Variants in ADAM32 observed in about 807,000 individuals in gnomAD.
ADAM32 encodes disintegrin and metalloproteinase domain-containing protein 32.
A neutral mutation model predicts 114.9 loss-of-function variants in ADAM32; 89 were observed. The observed-to-expected ratio is 0.77, with a 90% CI of 0.65 to 0.92. The LOEUF (loss-of-function observed/expected upper bound fraction) is 0.92, where lower values mean the gene tolerates loss of function less well. Among genes scored for constraint, ADAM32 ranks in the 40% least tolerant of loss-of-function variants. The pLI, the probability that ADAM32 is intolerant of heterozygous loss-of-function variation, is 0.00. For missense variants in ADAM32, 870 were observed against 932.8 expected (o/e 0.93, Z 0.88); for synonymous variants, 285 against 307.5 (o/e 0.93, Z 0.77).
At chr8:39,284,751 T>C in intron 24 of ADAM32, 42 bp from the exon 25 acceptor site, 2 of 1,612,662 alleles carry the variant, frequency 1.2e-6, no homozygotes, top group Non-Finnish European at 1.7e-6. Context: ...GGGAATTTGC[T>C]GTCAGTACTT....
rs73606785 is a variant in ADAM32, at chr8:39,219,101, C to T, written c.1234-2509C>T. Among the ~76,000 whole-genome samples the T allele has an allele frequency of 3.3e-3, 501 of 151,816 alleles. 1 individual carries two copies. Among genetic ancestry groups the T allele is most frequent in the African/African-American group, 0.012 (478 of 41,390 alleles). ...GGGACTTCACCACCCTGATCAGTGC[C>T]CTATCTTATTGTGGCTGATCTGGTA... On this transcript the variant is annotated intron_variant, in intron 12 of 24. Transcript: ENST00000379907.
intron 11 of ADAM32, among the ~76,000 whole-genome samples, chr8:39,207,956 A>G (rs1204900925): frequency 6.6e-6 from 1 of 152,164 alleles, no homozygotes; most frequent in Non-Finnish European, 1.5e-5. Flanking sequence ...ACCACATTTT[A>G]AAAATCAGTT....
intron 22 of ADAM32, 55 bp downstream of exon 22, chr8:39,275,921 G>T (rs993113341): frequency 1.4e-6 from 2 of 1,450,360 alleles, no homozygotes; most frequent in Non-Finnish European, 1.9e-6. Context: ...TAAAAATTGA[G>T]ATGAACAAAT....
chr8:39,136,051 TTC>T (rs1802780857), intron 2 of ADAM32, among the ~76,000 whole-genome samples: 1 of 152,206 alleles, frequency 6.6e-6, no homozygotes, highest in Admixed American at 6.5e-5. Flanking sequence ...AACTAATTTT[TTC>T]TCTGTTTCTC....
chr8:39,180,178 G>A (rs1399162657), intron 10 of ADAM32, among the ~76,000 whole-genome samples: 1 of 152,244 alleles, frequency 6.6e-6, no homozygotes. Context: ...AGTTCCGGGT[G>A]GGCGTGGGCT....
rs189775791 is a variant in ADAM32, at chr8:39,115,474, T to C, written c.59-2612T>C. On this transcript the variant is annotated intron_variant, in intron 1 of 24. Coordinates refer to ENST00000379907, the MANE Select transcript of ADAM32 (RefSeq NM_145004.7). Reference sequence around the variant, plus strand: ...TCATTCTGATTGGTGTGACATGATATGTCACTGTTGTTTTGACTTTCATTT... The same window carrying C: ...TCATTCTGATTGGTGTGACATGATACGTCACTGTTGTTTTGACTTTCATTT... Among the ~76,000 whole-genome samples the C allele has an allele frequency of 4.7e-3, 719 of 152,366 alleles. 9 individuals carry two copies. Among genetic ancestry groups the C allele is most frequent in the Non-Finnish European group, 7.0e-3 (478 of 68,030 alleles).
At chr8:39,126,292 T>G (rs1029518255) in intron 2 of ADAM32, among the ~76,000 whole-genome samples, 3 of 152,234 alleles carry the variant, frequency 2.0e-5, no homozygotes, top group Non-Finnish European at 4.4e-5. Flanking sequence ...ATGATATTGA[T>G]TCTTCCTATC....
intron 16 of ADAM32, among the ~76,000 whole-genome samples, chr8:39,235,004 C>T (rs1260581307): frequency 2.0e-5 from 3 of 152,104 alleles, no homozygotes; most frequent in Non-Finnish European, 4.4e-5. Flanking sequence ...CTTCCCCCCG[C>T]CCCTCTCTGT....
intron 10 of ADAM32, among the ~76,000 whole-genome samples, chr8:39,181,289 C>T (rs1008537942): frequency 6.6e-6 from 1 of 152,198 alleles, no homozygotes; most frequent in Non-Finnish European, 1.5e-5. Context: ...ATGAGCCCAC[C>T]AGGAGGAACG....
intron 2 of ADAM32, among the ~76,000 whole-genome samples, chr8:39,129,112 C>G (rs187282812): frequency 2.3e-5 from 3 of 131,980 alleles, no homozygotes; most frequent in African/African-American, 8.6e-5. Context: ...CATTGGTTCT[C>G]GTTTTTTTTT....
chr8:39,203,827 G>T (rs1036267154), intron 11 of ADAM32, among the ~76,000 whole-genome samples: 13 of 152,128 alleles, frequency 8.5e-5, no homozygotes, highest in Admixed American at 4.6e-4. Context: ...GGCAGGCCTG[G>T]TGGTGACAAA....
At chr8:39,160,311 C>A (rs1178332254) in intron 6 of ADAM32, among the ~76,000 whole-genome samples, 4 of 152,102 alleles carry the variant, frequency 2.6e-5, no homozygotes, top group Admixed American at 6.5e-5. Context: ...GAGGCCAAGG[C>A]GGGCGGATCG....
intron 2 of ADAM32, 140 bp from the exon 3 acceptor site, chr8:39,136,517 C>T (rs999458511): frequency 2.7e-5 from 15 of 546,250 alleles, no homozygotes; most frequent in Middle Eastern, 4.7e-4. Context: ...TGTGTTGTTG[C>T]ACATTTTAAA....
chr8:39,139,606 T>C (rs1241775361), intron 3 of ADAM32, among the ~76,000 whole-genome samples: 3 of 152,164 alleles, frequency 2.0e-5, no homozygotes, highest in South Asian at 2.1e-4. Flanking sequence ...AGTCAGGTAG[T>C]ATGATGCCTC....
rs138154838 is a variant in ADAM32 at position 39,177,502 on chromosome 8, G to A, written c.915+7505G>A. Among the ~76,000 whole-genome samples the A allele has an allele frequency of 6.6e-4, 100 of 152,060 alleles. No homozygotes were observed. The East Asian group carries it at 0.013, about 19-fold the overall frequency. On this transcript the variant is annotated intron_variant, in intron 10 of 24. Transcript: ENST00000379907. ...GCATTTAGCCTATTTACATTTAGCCGATTTACATTTAAAATTAATGTTGTT... is the reference window on the plus strand; with the variant it reads ...GCATTTAGCCTATTTACATTTAGCCAATTTACATTTAAAATTAATGTTGTT...
At chr8:39,202,501 A>G (rs1176225769) in intron 11 of ADAM32, among the ~76,000 whole-genome samples, 1 of 152,018 alleles carries the variant, frequency 6.6e-6, no homozygotes, top group Admixed American at 6.6e-5. Flanking sequence ...TATTGCGTCT[A>G]TTTGATTCTT....
chr8:39,134,229 T>C (rs1354131986), intron 2 of ADAM32, among the ~76,000 whole-genome samples: 1 of 151,974 alleles, frequency 6.6e-6, no homozygotes, highest in Non-Finnish European at 1.5e-5. Context: ...TTCAACATGG[T>C]ACTGTGCTGC....
intron 12 of ADAM32, among the ~76,000 whole-genome samples, chr8:39,215,520 G>A (rs1209178587): frequency 6.6e-6 from 1 of 151,734 alleles, no homozygotes; most frequent in African/African-American, 2.4e-5. Flanking sequence ...ATATAAGTGC[G>A]TAGAGCTATA....
intron 2 of ADAM32, among the ~76,000 whole-genome samples, chr8:39,119,889 T>C (rs1840521573): frequency 6.6e-6 from 1 of 152,194 alleles, no homozygotes; most frequent in Non-Finnish European, 1.5e-5. Flanking sequence ...AAGGGCCTTA[T>C]GGAGGTAATT....
Sources: gnomAD v4.1 joint callset for allele counts (sites outside exome capture counted in the v4.1 genomes callset) on GRCh38, gnomAD v4.1.1 for gene constraint, MANE v1.5 for transcripts, NCBI Gene and HGNC (gene_info 2026-07-23, HGNC 2026-07-21) for gene names.